Variants in LYPD6B observed in about 807,000 individuals in gnomAD.
LYPD6B encodes the protein ly6/PLAUR domain-containing protein 6B.
In LYPD6B, 17 loss-of-function variants were observed where a neutral mutation model predicts 22.8. That is an observed-to-expected ratio of 0.75 (90% confidence interval 0.51 to 1.12). LYPD6B has a LOEUF of 1.12. Ranked by LOEUF, LYPD6B falls within the 50% of genes most tolerant of loss-of-function variation. The probability of loss-of-function intolerance (pLI) is 0.00; values close to 1 mark genes in which losing one functional copy is unlikely to be tolerated. For synonymous variants in LYPD6B, 106 were observed against 91.6 expected, an observed-to-expected ratio of 1.16 and a Z score of -0.90; for missense variants, 221 against 258.3, an observed-to-expected ratio of 0.86 and a Z score of 0.99.
chr2:149,103,063 G>T (rs1686290303), intron 1 of LYPD6B, among the ~76,000 whole-genome samples: 1 of 152,164 alleles, frequency 6.6e-6, no homozygotes, highest in East Asian at 1.9e-4. Flanking sequence ...GTCCACCTGT[G>T]GTTCAAATCT....
At chr2:149,183,376 A>C (rs1575137536) in intron 3 of LYPD6B, among the ~76,000 whole-genome samples, 1 of 152,176 alleles carries the variant, frequency 6.6e-6, no homozygotes, top group Admixed American at 6.5e-5. Context: ...CCATCCATTT[A>C]TTCTGATGAC....
chr2:149,152,251 T>TA (rs1243286833), intron 2 of LYPD6B, among the ~76,000 whole-genome samples: 2 of 152,218 alleles, frequency 1.3e-5, no homozygotes, highest in African/African-American at 4.8e-5. Flanking sequence ...TATTCACCTA[T>TA]TCTATATATC....
At chr2:149,189,342 T>TTTTATATA (rs1553500263) in intron 3 of LYPD6B, among the ~76,000 whole-genome samples, 16 of 66,102 alleles carry the variant, frequency 2.4e-4, no homozygotes, top group African/African-American at 9.2e-4. Flanking sequence ...TTGTCCAAAA[T>TTTTATATA]TATATATATA....
At chr2:149,189,365 T>TATATATAC (rs1559066292) in intron 3 of LYPD6B, among the ~76,000 whole-genome samples, 1 of 93,254 alleles carries the variant, frequency 1.1e-5, no homozygotes, top group African/African-American at 3.6e-5. Context: ...TATATATATA[T>TATATATAC]ATACACACAC....
chr2:149,104,124 T>C (rs1431248780), intron 1 of LYPD6B, among the ~76,000 whole-genome samples: 1 of 152,122 alleles, frequency 6.6e-6, no homozygotes, highest in Non-Finnish European at 1.5e-5. Flanking sequence ...ATTGTATCGT[T>C]ATGCCCACAA....
chr2:149,213,085 T>C lies in LYPD6B; in HGVS notation c.422T>C (p.Phe141Ser). 1.2e-6 allele frequency: 2 copies of C among 1,613,950 alleles called. No individual in the cohort carries two copies. Among genetic ancestry groups the C allele is most frequent in the Middle Eastern group, 1.6e-4 (1 of 6,062 alleles). ...TGTGCCTCCAGAAGTGAATGTCATTTTGTCGGTTGCCACCACAGCCGAGAT... is the reference window on the plus strand; with the variant it reads ...TGTGCCTCCAGAAGTGAATGTCATTCTGTCGGTTGCCACCACAGCCGAGAT... ...KKCASRSECH[F>S]VGCHHSRDSE... Residue 141 changes from phenylalanine to serine, a missense_variant, in exon 6 of 7, where the codon TTT becomes TCT. Coordinates refer to ENST00000409642, the MANE Select transcript of LYPD6B (RefSeq NM_177964.5).
intron 3 of LYPD6B, among the ~76,000 whole-genome samples, chr2:149,193,438 G>A (rs1692617936): frequency 6.6e-6 from 1 of 152,110 alleles, no homozygotes; most frequent in African/African-American, 2.4e-5. Flanking sequence ...AGATCTCAAT[G>A]TGTGTTTCCA....
chr2:149,164,216 A>T (rs1407147712), intron 3 of LYPD6B, among the ~76,000 whole-genome samples: 2 of 152,152 alleles, frequency 1.3e-5, no homozygotes, highest in African/African-American at 4.8e-5. Context: ...CTTTAGGCAG[A>T]TAAGGGGAGC....
intron 4 of LYPD6B, 27 bp from the exon 5 acceptor site, chr2:149,208,287 T>A (rs1693626952): frequency 1.3e-6 from 2 of 1,579,682 alleles, no homozygotes; most frequent in Non-Finnish European, 1.7e-6. Flanking sequence ...TGTAGCTTAC[T>A]GTTTCACTTT....
chr2:149,105,856 A>G (rs954760500), intron 1 of LYPD6B, among the ~76,000 whole-genome samples: 2 of 152,136 alleles, frequency 1.3e-5, no homozygotes, highest in Non-Finnish European at 2.9e-5. Context: ...GAGAGCAGAC[A>G]TCTTTGTTTC....
In LYPD6B at chr2:149,160,806, G is replaced by A; in HGVS notation, c.48G>A (p.Arg16=). ...CAAACCTTTTCACTGTTCCAGAGAG[G>A]AGCCTGACAACCACATTCTCCTTCT... ...LSANLFTVPE[R]SLTTTFSFSR... Residue 16 remains arginine, a synonymous_variant, in exon 3 of 7, where the codon AGG becomes AGA. Coordinates refer to ENST00000409642, the MANE Select transcript of LYPD6B (RefSeq NM_177964.5). 6.4e-7 allele frequency: 1 copy of A among 1,556,030 alleles called. No individual in the cohort carries two copies. The highest frequency in any genetic ancestry group is 1.2e-5 in the South Asian group (1 of 84,400).
At chr2:149,103,771 C>CTTTTTTTTTTTT (rs56739458) in intron 1 of LYPD6B, among the ~76,000 whole-genome samples, 1 of 74,312 alleles carries the variant, frequency 1.3e-5, no homozygotes, top group Non-Finnish European at 2.4e-5. Flanking sequence ...TTGTGCATAT[C>CTTTTTTTTTTTT]TTTTTTTTTT....
intron 1 of LYPD6B, among the ~76,000 whole-genome samples, chr2:149,065,775 C>G (rs1558977009): frequency 6.6e-6 from 1 of 152,194 alleles, no homozygotes; most frequent in Non-Finnish European, 1.5e-5. Context: ...GTAGCACTAT[C>G]TCTGCTCACT....
At chr2:149,105,273 T>C (rs1686417946) in intron 1 of LYPD6B, among the ~76,000 whole-genome samples, 5 of 152,188 alleles carry the variant, frequency 3.3e-5, no homozygotes. Flanking sequence ...AAGTGGTTGA[T>C]TTGGCTATTC....
chr2:149,159,948 A>G (rs1689947373), intron 2 of LYPD6B, among the ~76,000 whole-genome samples: 1 of 152,170 alleles, frequency 6.6e-6, no homozygotes, highest in Non-Finnish European at 1.5e-5. Context: ...CTGATGTCTG[A>G]CCAAACAGCG....
intron 3 of LYPD6B, among the ~76,000 whole-genome samples, chr2:149,202,999 C>T (rs1693266768): frequency 1.3e-5 from 2 of 152,172 alleles, no homozygotes; most frequent in African/African-American, 4.8e-5. Context: ...GTTTTGGATA[C>T]AGGTATTTGA....
chr2:149,214,265 T>C (rs750389583), intron 6 of LYPD6B, among the ~76,000 whole-genome samples: 2 of 152,154 alleles, frequency 1.3e-5, no homozygotes, highest in African/African-American at 2.4e-5. Flanking sequence ...AATCAAGCAC[T>C]CTTATGCAGT....
chr2:149,072,078 C>A (rs1421862566), intron 1 of LYPD6B, among the ~76,000 whole-genome samples: 3 of 152,118 alleles, frequency 2.0e-5, no homozygotes, highest in Non-Finnish European at 4.4e-5. Flanking sequence ...ATTACAGGCA[C>A]ACACCACTAC....
chr2:149,174,403 A>C (rs765735909), intron 3 of LYPD6B, among the ~76,000 whole-genome samples: 5 of 152,214 alleles, frequency 3.3e-5, no homozygotes, highest in Non-Finnish European at 4.4e-5. Flanking sequence ...TGCCCTGGCC[A>C]GAACTTCCAA....
Sources: allele counts gnomAD v4.1 joint callset (sites outside exome capture counted in the v4.1 genomes callset), GRCh38; gene constraint gnomAD v4.1.1; transcripts MANE v1.5; gene names NCBI Gene and HGNC (gene_info 2026-07-23, HGNC 2026-07-21).